The following USH2A variants were observed in gnomAD, a reference collection of about 807,000 sequenced individuals.
USH2A encodes the protein Usher syndrome 2A (autosomal recessive, mild).
In USH2A, 443 loss-of-function variants were observed where a neutral mutation model predicts 538.9. That is an observed-to-expected ratio of 0.82 (90% CI 0.76 to 0.89). The LOEUF is 0.89. USH2A is among the 40% of genes least tolerant of loss of function. The probability of loss-of-function intolerance (pLI) is 0.00; values close to 1 mark genes in which losing one functional copy is unlikely to be tolerated. For synonymous variants in USH2A, 2,413 were observed against 2,273.5 expected, an observed-to-expected ratio of 1.06 and a Z score of -1.75; for missense variants, 6,633 against 6,324.8, an observed-to-expected ratio of 1.05 and a Z score of -1.65.
intron 32 of USH2A, among the ~76,000 whole-genome samples, chr1:216,012,980 T>C (rs1448249250): frequency 6.6e-6 from 1 of 152,154 alleles, no homozygotes; most frequent in East Asian, 1.9e-4. Flanking sequence ...CACTGCCAGT[T>C]TACACTGTTT....
chr1:215,705,608 G>T (rs1293260429), intron 61 of USH2A, among the ~76,000 whole-genome samples: 2 of 152,060 alleles, frequency 1.3e-5, no homozygotes, highest in South Asian at 4.1e-4. Context: ...AATAGAAAAG[G>T]GTCCCCTATG....
In USH2A at chr1:215,640,614, C is replaced by T. The variant is rs776924838; in HGVS notation, c.14912G>A (p.Arg4971Gln). Reference protein sequence around the residue: ...LKEYVLTDGGRRVYSGLDTTL... With the variant: ...LKEYVLTDGGQRVYSGLDTTL... ...GGTGTCCAAGCCGCTGTACACGCGT[C>T]GCCCTCCGTCGGTTAACACGTACTC... The change falls in exon 68 of 72, where the codon CGA becomes CAA. Residue 4971 changes from arginine to glutamine, a missense_variant. Transcript: ENST00000307340. The T allele has an allele frequency of 2.5e-6, 4 of 1,613,806 alleles. No homozygotes were observed. Among genetic ancestry groups the T allele is most frequent in the Admixed American group, 1.7e-5 (1 of 59,984 alleles).
At chr1:215,666,818 G>A (rs540242489) in intron 64 of USH2A, among the ~76,000 whole-genome samples, 18 of 152,314 alleles carry the variant, frequency 1.2e-4, no homozygotes, top group East Asian at 9.6e-4. Context: ...TAGGCCAGGC[G>A]CGGTGGCTCA....
At chr1:215,970,277 C>G (rs1168337244) in intron 36 of USH2A, among the ~76,000 whole-genome samples, 4 of 152,042 alleles carry the variant, frequency 2.6e-5, no homozygotes, top group Non-Finnish European at 5.9e-5. Context: ...ACTTCTTAAT[C>G]TTAAACTTAC....
At chr1:216,175,632 GA>G (rs761954531) in intron 20 of USH2A, 150 bp from the exon 21 acceptor site, 140 of 770,642 alleles carry the variant, frequency 1.8e-4, no homozygotes, top group Non-Finnish European at 2.7e-4. Context: ...TCTAGGAACT[GA>G]AAACACAATA....
chr1:216,237,515 GAAAGAA>G (rs949095573), intron 13 of USH2A, among the ~76,000 whole-genome samples: 7 of 130,420 alleles, frequency 5.4e-5, no homozygotes, highest in African/African-American at 1.7e-4. Context: ...AAAAAAAAAA[GAAAGAA>G]AAAGAAAAAG....
chr1:215,740,258 T>C (rs1660265303), intron 60 of USH2A, among the ~76,000 whole-genome samples: 1 of 152,156 alleles, frequency 6.6e-6, no homozygotes, highest in Non-Finnish European at 1.5e-5. Flanking sequence ...AAAGAATACA[T>C]TAATTTAAAG....
intron 49 of USH2A, among the ~76,000 whole-genome samples, chr1:215,801,913 A>G (rs1662345765): frequency 1.3e-5 from 2 of 152,170 alleles, no homozygotes; most frequent in Non-Finnish European, 2.9e-5. Context: ...ACTGGTACAA[A>G]GACAGACACA....
chr1:216,190,802 T>C (rs1481089185), intron 19 of USH2A, among the ~76,000 whole-genome samples: 4 of 152,002 alleles, frequency 2.6e-5, no homozygotes, highest in African/African-American at 4.8e-5. Context: ...GCCGTTGCTA[T>C]GTTAAATCGA....
intron 30 of USH2A, among the ~76,000 whole-genome samples, chr1:216,063,777 A>G (rs1487480091): frequency 1.3e-5 from 2 of 152,186 alleles, no homozygotes; most frequent in East Asian, 3.9e-4. Context: ...GTAAACTATC[A>G]CTTTTAAGTG....
intron 9 of USH2A, among the ~76,000 whole-genome samples, chr1:216,319,829 T>A (rs2102648091): frequency 6.6e-6 from 1 of 152,258 alleles, no homozygotes; most frequent in South Asian, 2.1e-4. Context: ...AGAAATGGAA[T>A]TTGCCAAAAC....
intron 42 of USH2A, among the ~76,000 whole-genome samples, 159 bp from the exon 43 acceptor site, chr1:215,878,039 G>A (rs79952600): frequency 3.7e-4 from 55 of 150,002 alleles, no homozygotes; most frequent in Non-Finnish European, 7.1e-4. Context: ...TCAGATGAAC[G>A]TTTTTTTTTC....
intron 58 of USH2A, among the ~76,000 whole-genome samples, chr1:215,755,119 T>G (rs1008238221): frequency 6.6e-6 from 1 of 152,196 alleles, no homozygotes; most frequent in African/African-American, 2.4e-5. Context: ...TCAAAAACAC[T>G]TGGTAGCACA....
chr1:215,790,140 G>A lies in USH2A; in HGVS notation c.10101C>T (p.Ser3367=), dbSNP rs775981710. Residue 3367 remains serine, a synonymous_variant, in exon 51 of 72, where the codon AGC becomes AGT. Coordinates refer to ENST00000307340, the MANE Select transcript of USH2A (RefSeq NM_206933.4). ...KCCETELIPK[S]QKCCNGVGYN... ...ATCCAACTCCATTACAGCATTTCTG[G>A]CTCTTTGGAATAAGTTCAGTCTCAC... 1 of 1,613,434 alleles carries A rather than the reference G, an allele frequency of 6.2e-7. No individual in the cohort carries two copies. The highest frequency in any genetic ancestry group is 8.5e-7 in the Non-Finnish European group (1 of 1,179,952).
intron 21 of USH2A, among the ~76,000 whole-genome samples, chr1:216,109,670 T>G (rs1376779876): frequency 1.3e-5 from 2 of 152,180 alleles, no homozygotes; most frequent in Non-Finnish European, 2.9e-5. Context: ...TTGACTCCAG[T>G]CAATTTGTAG....
chr1:216,107,196 T>C (rs1226755570), intron 21 of USH2A, among the ~76,000 whole-genome samples: 2 of 151,856 alleles, frequency 1.3e-5, no homozygotes, highest in East Asian at 1.9e-4. Flanking sequence ...TAGATTTTTA[T>C]CAACTTCTTT....
intron 67 of USH2A, among the ~76,000 whole-genome samples, chr1:215,641,001 TAG>T (rs1656668425): frequency 6.6e-6 from 1 of 151,992 alleles, no homozygotes; most frequent in South Asian, 2.1e-4. Context: ...AAAAAATCGA[TAG>T]AGAGTGGTGT....
chr1:216,122,417 G>A (rs969798588), intron 21 of USH2A, among the ~76,000 whole-genome samples: 5 of 152,172 alleles, frequency 3.3e-5, no homozygotes, highest in African/African-American at 1.2e-4. Flanking sequence ...GGCCAGACAA[G>A]CCAGCATAAT....
At chr1:215,768,887 T>C (rs901159223) in intron 55 of USH2A, among the ~76,000 whole-genome samples, 1 of 151,992 alleles carries the variant, frequency 6.6e-6, no homozygotes, top group South Asian at 2.1e-4. Flanking sequence ...TTTTGGGAGG[T>C]CACTTTCCCC....
Sources: allele counts gnomAD v4.1 joint callset (sites outside exome capture counted in the v4.1 genomes callset), GRCh38; gene constraint gnomAD v4.1.1; transcripts MANE v1.5; gene names NCBI Gene and HGNC (gene_info 2026-07-23, HGNC 2026-07-21).